Variants in EXOC4 observed in about 807,000 individuals in gnomAD.
EXOC4 encodes the protein SEC8-like 1.
EXOC4 carries 71 observed loss-of-function variants against 107.2 expected under a neutral mutation model. The ratio of observed to expected loss-of-function variants is 0.66; its 90% CI spans 0.55 to 0.81. The LOEUF is 0.81. EXOC4 is among the 30% of genes least tolerant of loss of function. The pLI, the probability that EXOC4 is intolerant of heterozygous loss-of-function variation, is 0.00. For synonymous variants in EXOC4, 456 were observed against 441.2 expected, an observed-to-expected ratio of 1.03 and a Z score of -0.42; for missense variants, 1,108 against 1,189.6, an observed-to-expected ratio of 0.93 and a Z score of 1.01.
chr7:134,027,807 C>T (rs1203378026), intron 17 of EXOC4, among the ~76,000 whole-genome samples: 1 of 152,150 alleles, frequency 6.6e-6, no homozygotes, highest in Non-Finnish European at 1.5e-5. Context: ...CTGTCAGAAG[C>T]TCAGAAAGTC....
chr7:133,944,463 C>A (rs138147076), intron 14 of EXOC4, among the ~76,000 whole-genome samples: 23 of 152,102 alleles, frequency 1.5e-4, no homozygotes, highest in African/African-American at 4.6e-4. Context: ...AGGGGAGGTA[C>A]CATTCTCATG....
At chr7:133,330,285 G>A (rs756680658) in intron 5 of EXOC4, among the ~76,000 whole-genome samples, 7 of 152,204 alleles carry the variant, frequency 4.6e-5, no homozygotes, top group Non-Finnish European at 8.8e-5. Flanking sequence ...CCAAGCTCAA[G>A]TGTCCCAGGT....
chr7:133,306,098 G>T, intron 4 of EXOC4, 37 bp downstream of exon 4: 3 of 1,504,442 alleles, frequency 2.0e-6, no homozygotes, highest in African/African-American at 2.8e-5. Flanking sequence ...TCTTGTGGCA[G>T]TGTAGGATTG....
chr7:133,264,840 CTT>C (rs1409728495), intron 1 of EXOC4, among the ~76,000 whole-genome samples: 2 of 152,252 alleles, frequency 1.3e-5, no homozygotes, highest in African/African-American at 4.8e-5. Flanking sequence ...TTAACTATCT[CTT>C]TTCCTCTTCA....
At chr7:133,883,611 C>T (rs1799014897) in intron 11 of EXOC4, among the ~76,000 whole-genome samples, 1 of 151,944 alleles carries the variant, frequency 6.6e-6, no homozygotes, top group African/African-American at 2.4e-5. Context: ...CTACTGCACT[C>T]CAGTCTGACC....
Position 133,829,080 on chromosome 7 carries a change from A to G in EXOC4, c.1734+11536A>G, listed in dbSNP as rs1563017459. ...AGTCACTGTAGGATGTGTAGAAACGAAGAAGGCAGAGGAGAAAAGTGACCT... is the reference window on the plus strand; with the variant it reads ...AGTCACTGTAGGATGTGTAGAAACGGAGAAGGCAGAGGAGAAAAGTGACCT... On this transcript the variant is annotated intron_variant, in intron 11 of 17. Coordinates refer to ENST00000253861, the MANE Select transcript of EXOC4 (RefSeq NM_021807.4). Among the ~76,000 whole-genome samples the G allele has an allele frequency of 2.0e-5, 3 of 152,196 alleles. No homozygotes were observed. The South Asian group carries it at 6.2e-4, about 31-fold the overall frequency.
At chr7:133,352,656 G>A (rs200947481) in intron 5 of EXOC4, among the ~76,000 whole-genome samples, 1 of 151,788 alleles carries the variant, frequency 6.6e-6, no homozygotes, top group Non-Finnish European at 1.5e-5. Flanking sequence ...TTACTGATAA[G>A]GAATGACTTA....
chr7:133,362,427 G>C (rs971079932), intron 6 of EXOC4, among the ~76,000 whole-genome samples: 2 of 152,126 alleles, frequency 1.3e-5, no homozygotes, highest in African/African-American at 4.8e-5. Flanking sequence ...TTCTAACGCT[G>C]AGTCGTTTAT....
At position 133,263,322 on chromosome 7, in the gene EXOC4, A is replaced by T. The variant is rs78013895; in HGVS notation, c.86+10135A>T. ...CAAGAAGCCAATTGTAATTGTTAAAATTTTTTTTTCTGAGATAAACATTAT... is the reference window on the plus strand; with the variant it reads ...CAAGAAGCCAATTGTAATTGTTAAATTTTTTTTTTCTGAGATAAACATTAT... On this transcript the variant is annotated intron_variant, in intron 1 of 17. Coordinates refer to ENST00000253861, the MANE Select transcript of EXOC4 (RefSeq NM_021807.4). 3.4e-4 allele frequency among the ~76,000 whole-genome samples: 50 copies of T among 148,762 alleles called. 1 individual carries two copies. In the East Asian group the frequency reaches 8.8e-3, roughly 26 times the overall value.
At chr7:133,970,464 G>GC (rs71172418) in intron 14 of EXOC4, among the ~76,000 whole-genome samples, 152,169 of 152,174 alleles carry the variant, frequency 1, 76,082 homozygotes, top group Non-Finnish European at 1. Context: ...GAAACCCAGG[G>GC]CCTGGTGGTG....
chr7:133,972,254 CTTCTTT>C (rs1243444283), intron 14 of EXOC4, among the ~76,000 whole-genome samples: 2 of 152,170 alleles, frequency 1.3e-5, no homozygotes, highest in Admixed American at 1.3e-4. Context: ...TTTTACCCTG[CTTCTTT>C]TTCTCCTTCT....
intron 10 of EXOC4, among the ~76,000 whole-genome samples, chr7:133,683,411 G>A (rs1349085405): frequency 1.3e-5 from 2 of 151,988 alleles, no homozygotes; most frequent in Non-Finnish European, 2.9e-5. Context: ...TCATATCTTG[G>A]GGCTCAGAAT....
chr7:133,838,574 T>C (rs1797965097), intron 11 of EXOC4, among the ~76,000 whole-genome samples: 1 of 152,160 alleles, frequency 6.6e-6, no homozygotes, highest in Admixed American at 6.5e-5. Flanking sequence ...TTCACTTTCA[T>C]CACCAGGCAC....
At chr7:133,706,995 C>T (rs1794781835) in intron 10 of EXOC4, among the ~76,000 whole-genome samples, 1 of 152,072 alleles carries the variant, frequency 6.6e-6, no homozygotes, top group East Asian at 1.9e-4. Context: ...CATTTATAAC[C>T]TCAAGCTTTC....
At chr7:134,033,634 G>A (rs534279921) in intron 17 of EXOC4, among the ~76,000 whole-genome samples, 21 of 152,290 alleles carry the variant, frequency 1.4e-4, no homozygotes, top group Admixed American at 1.0e-3. Flanking sequence ...TGAAGAACTA[G>A]TAAAAATGCT....
chr7:133,583,425 A>T (rs1801325020), intron 9 of EXOC4, among the ~76,000 whole-genome samples: 1 of 152,210 alleles, frequency 6.6e-6, no homozygotes, highest in Admixed American at 6.5e-5. Flanking sequence ...GTGGCACCCC[A>T]GGGACTGAAA....
intron 10 of EXOC4, among the ~76,000 whole-genome samples, chr7:133,726,073 T>C (rs1795208985): frequency 6.6e-6 from 1 of 152,118 alleles, no homozygotes; most frequent in African/African-American, 2.4e-5. Flanking sequence ...CCAAGGGAAG[T>C]TTGGAGGTGA....
chr7:134,054,452 A>G (rs1355338756), intron 17 of EXOC4, among the ~76,000 whole-genome samples: 5 of 152,142 alleles, frequency 3.3e-5, no homozygotes, highest in Non-Finnish European at 4.4e-5. Context: ...CCATAATTCC[A>G]GATTTCCTGG....
At chr7:133,606,930 G>A (rs774104361) in intron 9 of EXOC4, among the ~76,000 whole-genome samples, 26 of 151,886 alleles carry the variant, frequency 1.7e-4, no homozygotes, top group Non-Finnish European at 2.2e-4. Flanking sequence ...CCATACTTTC[G>A]GATTATTCCA....
Sources: allele counts gnomAD v4.1 joint callset (sites outside exome capture counted in the v4.1 genomes callset), GRCh38; gene constraint gnomAD v4.1.1; transcripts MANE v1.5; gene names NCBI Gene and HGNC (gene_info 2026-07-23, HGNC 2026-07-21).